Variants in PCDH19 observed in about 807,000 individuals in gnomAD.
The protein encoded by PCDH19 is protocadherin-19.
In PCDH19, 6 loss-of-function variants were observed where a neutral mutation model predicts 46.2. That is an observed-to-expected ratio of 0.13 (90% CI 0.07 to 0.26). The LOEUF (loss-of-function observed/expected upper bound fraction) is 0.26. Among genes scored for constraint, PCDH19 ranks in the 10% least tolerant of loss-of-function variants. The pLI, the probability that PCDH19 is intolerant of heterozygous loss-of-function variation, is 1.00. For missense variants in PCDH19, 740 were observed against 972.3 expected (o/e 0.76, Z 3.18); for synonymous variants, 481 against 415.7 (o/e 1.16, Z -1.91).
At chrX:100,350,551 C>T in intron 4 of PCDH19, 95 bp downstream of exon 4, 1 of 604,691 alleles carries the variant, frequency 1.7e-6, no homozygotes, top group Admixed American at 2.8e-5. Flanking sequence ...ATTTTAAAAT[C>T]CCCCAAAAAA....
intron 1 of PCDH19, among the ~76,000 whole-genome samples, chrX:100,405,245 A>G (rs779706318): frequency 3.2e-4 from 36 of 112,591 alleles, no homozygotes; most frequent in African/African-American, 1.2e-3. Flanking sequence ...AATGGCACAA[A>G]AGACACACTG....
At chrX:100,389,271 C>T (rs1927799232) in intron 3 of PCDH19, among the ~76,000 whole-genome samples, 1 of 110,611 alleles carries the variant, frequency 9.0e-6, no homozygotes, top group Non-Finnish European at 1.9e-5. Flanking sequence ...TCCCTAGCAC[C>T]TTGAATAGTG....
chrX:100,313,945 G>C (rs1380738760), intron 5 of PCDH19, among the ~76,000 whole-genome samples: 2 of 109,318 alleles, frequency 1.8e-5, no homozygotes, highest in African/African-American at 6.7e-5. Context: ...ATAGCTTCCT[G>C]AATAAGATGC....
intron 3 of PCDH19, among the ~76,000 whole-genome samples, chrX:100,374,687 C>T (rs1392769298): frequency 6.3e-5 from 7 of 111,990 alleles, no homozygotes; most frequent in Non-Finnish European, 1.3e-4. Context: ...CGCCTGTAAT[C>T]CCAGCAATTT....
chrX:100,341,292 T>C (rs894937836), intron 5 of PCDH19, among the ~76,000 whole-genome samples: 2 of 111,906 alleles, frequency 1.8e-5, no homozygotes, highest in Admixed American at 1.9e-4. Context: ...TATTTTACAT[T>C]GACTCAGCCA....
At chrX:100,350,526 G>A (rs1231878113) in intron 4 of PCDH19, 120 bp downstream of exon 4, 3 of 526,039 alleles carry the variant, frequency 5.7e-6, no homozygotes, top group Non-Finnish European at 9.9e-6. Context: ...TCTACAAATA[G>A]TAGGTTGGAC....
At chrX:100,342,234 T>C (rs1926274389) in intron 4 of PCDH19, among the ~76,000 whole-genome samples, 159 bp from the exon 5 acceptor site, 1 of 111,861 alleles carries the variant, frequency 8.9e-6, no homozygotes, top group Non-Finnish European at 1.9e-5. Context: ...TTAAAGATAA[T>C]AAAACTTAAC....
intron 5 of PCDH19, among the ~76,000 whole-genome samples, chrX:100,325,158 TAGATAGATAGAC>T (rs199921334): frequency 0.13 from 11,449 of 89,220 alleles, 540 homozygotes; most frequent in African/African-American, 0.16. Context: ...GATAGATAGA[TAGATAGATAGAC>T]AGATAGACAC....
intron 3 of PCDH19, among the ~76,000 whole-genome samples, chrX:100,395,039 C>G (rs1478761648): frequency 1.8e-5 from 2 of 109,511 alleles, no homozygotes; most frequent in African/African-American, 3.3e-5. Flanking sequence ...AGGCGCCCGC[C>G]ACCACGCCCG....
rs1378558895 is a variant in PCDH19 at position 100,408,613 on chromosome X, T to C, written c.-16A>G. The stretch of plus-strand genomic sequence containing the variant: ...GCGACTCCATGGCTGCACGGGGCTC[T>C]GCCTGGCCTCGCCTCTCCACACCCC... On this transcript the variant is annotated 5_prime_UTR_variant, in exon 1 of 6. Transcript: ENST00000373034. The C allele has an allele frequency of 7.1e-6, 8 of 1,131,748 alleles. No homozygotes were observed. The highest frequency in any genetic ancestry group is 2.6e-5 in the Admixed American group (1 of 38,658). The allele number at this position is 1,131,748 out of a possible 1,213,427, so 93.3% of individuals were successfully genotyped here.
chrX:100,330,761 G>A (rs1466855882), intron 5 of PCDH19, among the ~76,000 whole-genome samples: 2 of 111,215 alleles, frequency 1.8e-5, no homozygotes, highest in Non-Finnish European at 3.8e-5. Flanking sequence ...GTTAAACTAA[G>A]GCAGTAACCT....
At position 100,407,736 on chromosome X, in the gene PCDH19, G is replaced by A. The variant is rs375265813; in HGVS notation, c.862C>T (p.Leu288Phe). Residue 288 changes from leucine to phenylalanine, a missense_variant, in exon 1 of 6, where the codon CTC (leucine) becomes TTC (phenylalanine). Leu to Phe is a conservative substitution (Grantham distance 22). Around this residue, in one of 5 missense-constraint regions of PCDH19, gnomAD observed 186 missense variants for 319.9 expected, o/e 0.58. Transcript: ENST00000373034. ...YGYVNDRTRE[L>F]FQIDPHSGLV... ...CCACTGTGCGGGTCGATCTGAAAGA[G>A]CTCGCGCGTGCGGTCGTTGACGTAG... 4 of 1,212,351 alleles carry A rather than the reference G, an allele frequency of 3.3e-6. No homozygotes were observed. Among genetic ancestry groups the A allele is most frequent in the Non-Finnish European group, 4.5e-6 (4 of 895,642 alleles).
Position 100,345,571 on chromosome X carries a change from C to G in PCDH19, c.2676-3496G>C, listed in dbSNP as rs1038571778. ...TTCTCCTAATTGGTTTTGGATCTGC[C>G]TTTTAAAAAATTGATCATCTTTTTC... On this transcript the variant is annotated intron_variant, in intron 4 of 5. Coordinates refer to ENST00000373034, the MANE Select transcript of PCDH19 (RefSeq NM_001184880.2). 6.3e-5 allele frequency among the ~76,000 whole-genome samples: 7 copies of G among 111,531 alleles called. No individual in the cohort carries two copies. In the Admixed American group the frequency reaches 6.7e-4, roughly 11 times the overall value.
At chrX:100,372,294 C>T (rs1401216828) in intron 3 of PCDH19, among the ~76,000 whole-genome samples, 1 of 111,898 alleles carries the variant, frequency 8.9e-6, no homozygotes, top group African/African-American at 3.3e-5. Context: ...CCTAAGATGT[C>T]AGAACCTGAT....
At chrX:100,372,280 G>A (rs1927252056) in intron 3 of PCDH19, among the ~76,000 whole-genome samples, 1 of 111,712 alleles carries the variant, frequency 9.0e-6, no homozygotes, top group Non-Finnish European at 1.9e-5. Flanking sequence ...TCAGTTTTCA[G>A]CTTCCTAAGA....
At chrX:100,329,753 C>CA (rs1310540906) in intron 5 of PCDH19, among the ~76,000 whole-genome samples, 20 of 108,077 alleles carry the variant, frequency 1.9e-4, no homozygotes, top group African/African-American at 4.0e-4. Flanking sequence ...ACTAAAAATA[C>CA]AAAAAAAAAT....
intron 5 of PCDH19, among the ~76,000 whole-genome samples, chrX:100,327,106 C>A (rs1468812682): frequency 2.7e-5 from 3 of 111,861 alleles, no homozygotes; most frequent in African/African-American, 9.8e-5. Context: ...TTAAAGGGAT[C>A]AGAGATAGAA....
intron 3 of PCDH19, among the ~76,000 whole-genome samples, chrX:100,392,903 T>C (rs1488924174): frequency 2.7e-5 from 3 of 111,542 alleles, no homozygotes; most frequent in Non-Finnish European, 5.6e-5. Context: ...AGGGTCTCCC[T>C]GTCCATTCTT....
intron 5 of PCDH19, among the ~76,000 whole-genome samples, chrX:100,336,378 T>C (rs1245582237): frequency 8.9e-6 from 1 of 112,283 alleles, no homozygotes; most frequent in Non-Finnish European, 1.9e-5. Flanking sequence ...TGGTAGAGTG[T>C]TGAAAGTGTA....
Sources: allele counts gnomAD v4.1 joint callset (sites outside exome capture counted in the v4.1 genomes callset), GRCh38; gene constraint gnomAD v4.1.1; regional missense constraint gnomAD v4.1.1; transcripts MANE v1.5; gene names NCBI Gene and HGNC (gene_info 2026-07-23, HGNC 2026-07-21).